Variants in ELL observed in about 807,000 individuals in gnomAD.
The protein encoded by ELL is RNA polymerase II elongation factor ELL.
A neutral mutation model predicts 64.0 loss-of-function variants in ELL; 18 were observed. The observed-to-expected ratio is 0.28, with a 90% confidence interval of 0.19 to 0.42. ELL has a LOEUF of 0.42. Among genes scored for constraint, ELL ranks in the 10% least tolerant of loss-of-function variants. The pLI, the probability that ELL is intolerant of heterozygous loss-of-function variation, is 1.00. For missense variants in ELL, 797 were observed against 870.4 expected, an observed-to-expected ratio of 0.92 and a Z score of 1.06; for synonymous variants, 399 against 376.2, an observed-to-expected ratio of 1.06 and a Z score of -0.70.
chr19:18,502,177 A>G (rs1975792552), intron 1 of ELL, among the ~76,000 whole-genome samples: 1 of 152,178 alleles, frequency 6.6e-6, no homozygotes, highest in Admixed American at 6.5e-5. Flanking sequence ...TCCTACCACC[A>G]CAGCCAGATA....
At chr19:18,506,650 G>A (rs756423739) in intron 1 of ELL, among the ~76,000 whole-genome samples, 10 of 152,164 alleles carry the variant, frequency 6.6e-5, no homozygotes, top group African/African-American at 1.9e-4. Context: ...ACTTGAGCCC[G>A]GGAGCCAAGG....
At chr19:18,513,051 T>C (rs1451944757) in intron 1 of ELL, among the ~76,000 whole-genome samples, 1 of 152,166 alleles carries the variant, frequency 6.6e-6, no homozygotes, top group Admixed American at 6.5e-5. Context: ...GGTCTCCCCA[T>C]CTGAAGAACG....
At chr19:18,445,017 C>T (rs1383416125) in intron 11 of ELL, 149 bp from the exon 12 acceptor site, 2 of 1,072,326 alleles carry the variant, frequency 1.9e-6, no homozygotes, top group Non-Finnish European at 2.7e-6. Flanking sequence ...GGAGTTGGTC[C>T]CCCGCACCTC....
At position 18,501,915 on chromosome 19, in the gene ELL, C is replaced by CAAGAGG. The variant is rs1038202893; in HGVS notation, c.135+20000_135+20005dup. 6.6e-6 allele frequency among the ~76,000 whole-genome samples: 1 copy of CAAGAGG among 151,992 alleles called. No homozygotes were observed. The highest frequency in any genetic ancestry group is 1.5e-5 in the Non-Finnish European group (1 of 67,978). On this transcript the variant is annotated intron_variant, in intron 1 of 11. Transcript: ENST00000262809. The surrounding 1 kb of genome is among the most constrained non-coding windows in gnomAD (Gnocchi z 4.5). ...TCCAAAAGAAGGCCCTGAACACAGTCAAGAGGAAGAGGAAGAAACACTGGG... is the reference window on the plus strand; with the variant it reads ...TCCAAAAGAAGGCCCTGAACACAGTCAAGAGGAAGAGGAAGAGGAAGAAACACTGGG...
intron 1 of ELL, among the ~76,000 whole-genome samples, chr19:18,508,043 C>T (rs1430082252): frequency 1.3e-5 from 2 of 152,164 alleles, no homozygotes; most frequent in East Asian, 1.9e-4. Flanking sequence ...ATAAAGAGGC[C>T]GGTTCCCACT....
In ELL at chr19:18,476,131, G is replaced by C. The variant is rs377764723; in HGVS notation, c.136-3249C>G. On this transcript the variant is annotated intron_variant, in intron 1 of 11. Coordinates refer to ENST00000262809, the MANE Select transcript of ELL (RefSeq NM_006532.4). The stretch of plus-strand genomic sequence containing the variant: ...CCCAGGAGCACACGACCAAGGCCAG[G>C]TGGGAAGGGTATTCTGGAGGAGGGA... Among the ~76,000 whole-genome samples the C allele has an allele frequency of 5.9e-4, 90 of 152,334 alleles. 2 individuals are homozygous for C. The East Asian group carries it at 0.012, about 20-fold the overall frequency.
At position 18,471,356 on chromosome 19, in the gene ELL, CAG is replaced by C. The variant is rs764284521; in HGVS notation, c.183+1477_183+1478del. On this transcript the variant is annotated intron_variant, in intron 2 of 11. Coordinates refer to ENST00000262809, the MANE Select transcript of ELL (RefSeq NM_006532.4). ...TGCCACTGCACTCCAGCCTCGGCAA[CAG>C]AGAGACTCATCTCTTAAAAAACAAA... is the stretch of plus-strand genomic sequence containing the variant. 427 of 448,660 alleles carry C rather than the reference CAG, an allele frequency of 9.5e-4. 2 individuals are homozygous for C. The highest frequency in any genetic ancestry group is 1.2e-3 in the Non-Finnish European group (276 of 223,848). The allele number at this position is 448,660 out of a possible 1,614,324, so 27.8% of individuals were successfully genotyped here.
In ELL at chr19:18,507,249, G is replaced by C. The variant is rs116885915; in HGVS notation, c.135+14672C>G. 4.5e-3 allele frequency among the ~76,000 whole-genome samples: 684 copies of C among 152,364 alleles called. 6 individuals carry two copies. The highest frequency in any genetic ancestry group is 6.8e-3 in the Non-Finnish European group (464 of 68,034). The stretch of plus-strand genomic sequence containing the variant: ...CCTCAGATACCTCCCTGCACAGTCT[G>C]TGCCTGGCCTGTGGCAGTTCAAGGG... On this transcript the variant is annotated intron_variant, in intron 1 of 11. Coordinates refer to ENST00000262809, the MANE Select transcript of ELL (RefSeq NM_006532.4).
At chr19:18,521,821 G>C (rs927205032) in intron 1 of ELL, 100 bp downstream of exon 1, 24 of 1,463,710 alleles carry the variant, frequency 1.6e-5, no homozygotes, top group Non-Finnish European at 2.2e-5. Flanking sequence ...CAGCACCACA[G>C]ACCTAGCGTC....
chr19:18,510,339 C>T (rs981753587), intron 1 of ELL, among the ~76,000 whole-genome samples: 2 of 152,250 alleles, frequency 1.3e-5, no homozygotes, highest in Non-Finnish European at 2.9e-5. Context: ...CCACTGCACA[C>T]TCCAGCCTGG....
Position 18,472,886 on chromosome 19 carries a change from T to C in ELL, c.136-4A>G. 1.6e-6 allele frequency: 2 copies of C among 1,213,072 alleles called. No individual in the cohort carries two copies. The highest frequency in any genetic ancestry group is 1.0e-6 in the Non-Finnish European group (1 of 961,858). The allele number at this position is 1,213,072 out of a possible 1,614,324, so 75.1% of individuals were successfully genotyped here. A position where few individuals can be genotyped will look rare whatever the true frequency, so the allele number is the denominator to read the frequency against. On this transcript the variant is annotated splice_polypyrimidine_tract_variant and splice_region_variant and intron_variant, in intron 1 of 11. Coordinates refer to ENST00000262809, the MANE Select transcript of ELL (RefSeq NM_006532.4). ...ATGGCCTCAGTGAAACAGAATCCTA[T>C]AAAAAAAAAAAAAAAAAAAAAAAGG...
intron 1 of ELL, among the ~76,000 whole-genome samples, chr19:18,504,297 G>T (rs1975840377): frequency 6.6e-6 from 1 of 152,194 alleles, no homozygotes; most frequent in African/African-American, 2.4e-5. Context: ...GGCCACTCCT[G>T]CTCTGTTTTT....
At chr19:18,460,163 G>A (rs1974773676) in intron 5 of ELL, among the ~76,000 whole-genome samples, 1 of 152,078 alleles carries the variant, frequency 6.6e-6, no homozygotes, top group South Asian at 2.1e-4. Flanking sequence ...GAGGCATGCA[G>A]TTTTGTCACT....
chr19:18,461,627 T>A lies in ELL; in HGVS notation c.695A>T (p.Asp232Val). 6.2e-7 allele frequency: 1 copy of A among 1,610,438 alleles called. No homozygotes were observed. Among genetic ancestry groups the A allele is most frequent in the Non-Finnish European group, 8.5e-7 (1 of 1,179,868 alleles). Reference sequence around the variant, plus strand: ...GTCCTTGTCCGCCTGCGTCAGGCCGTCCTTCTGCAGTCGCAGCAGCAGCTC... The same window carrying A: ...GTCCTTGTCCGCCTGCGTCAGGCCGACCTTCTGCAGTCGCAGCAGCAGCTC... Reference protein sequence around the residue: ...KAELLLRLQKDGLTQADKDAL... With the variant: ...KAELLLRLQKVGLTQADKDAL... Residue 232 changes from aspartate (D) to valine (V), a missense_variant, in exon 5 of 12, where the codon GAC becomes GTC. By Grantham distance (152) the Asp-to-Val change is radical. Transcript: ENST00000262809.
rs1023372918 is a variant in ELL at position 18,449,891 on chromosome 19, C to T, written c.1465+586G>A. ...AGTTTAGGTGCCTGGGCTGTGGTCTCGGAGCCGCCCAGGTCTCCTGGCTCC... is the reference window on the plus strand; with the variant it reads ...AGTTTAGGTGCCTGGGCTGTGGTCTTGGAGCCGCCCAGGTCTCCTGGCTCC... On this transcript the variant is annotated intron_variant, in intron 8 of 11. Transcript: ENST00000262809. This position sits in a 1 kb window ranked among gnomAD's most constrained non-coding sequence, Gnocchi z 4.4. 6.6e-6 allele frequency among the ~76,000 whole-genome samples: 1 copy of T among 152,182 alleles called. No individual in the cohort carries two copies. Among genetic ancestry groups the T allele is most frequent in the African/African-American group, 2.4e-5 (1 of 41,448 alleles).
chr19:18,461,612 G>A lies in ELL; in HGVS notation c.710C>T (p.Ala237Val), dbSNP rs562927955. Residue 237 changes from alanine to valine, a missense_variant, in exon 5 of 12, where the codon GCG (alanine) becomes GTG (valine). Physicochemically the swap from Ala to Val is moderately conservative, Grantham distance 64. Coordinates refer to ENST00000262809, the MANE Select transcript of ELL (RefSeq NM_006532.4). ...GAGGCCATCCAGCGCGTCCTTGTCC[G>A]CCTGCGTCAGGCCGTCCTTCTGCAG... ...LRLQKDGLTQ[A>V]DKDALDGLLQ... 14 of 1,607,248 alleles carry A rather than the reference G, an allele frequency of 8.7e-6. No homozygotes were observed. Among genetic ancestry groups the A allele is most frequent in the Admixed American group, 3.3e-5 (2 of 60,010 alleles).
Position 18,450,519 on chromosome 19 carries a change from G to A in ELL, c.1423C>T (p.Pro475Ser), listed in dbSNP as rs771715562. 8.7e-6 allele frequency: 14 copies of A among 1,613,278 alleles called. No individual in the cohort carries two copies. The highest frequency in any genetic ancestry group is 1.2e-5 in the Non-Finnish European group (14 of 1,179,954). ...KPRAQLPDCAPATHATPGAPA... is the reference protein window; with the variant it reads ...KPRAQLPDCASATHATPGAPA... ...GCTCCGGGGGTGGCATGGGTGGCAGGTGCACAGTCTGGAAGCTGGGCCCGG... is the reference window on the plus strand; with the variant it reads ...GCTCCGGGGGTGGCATGGGTGGCAGATGCACAGTCTGGAAGCTGGGCCCGG... Residue 475 changes from proline to serine, a missense_variant, in exon 8 of 12, where the codon CCT becomes TCT. Physicochemically the swap from Pro to Ser is moderately conservative, Grantham distance 74. Coordinates refer to ENST00000262809, the MANE Select transcript of ELL (RefSeq NM_006532.4).
intron 1 of ELL, among the ~76,000 whole-genome samples, chr19:18,495,494 A>C (rs560406352): frequency 4.1e-4 from 62 of 152,276 alleles, no homozygotes; most frequent in African/African-American, 1.4e-3. Flanking sequence ...CACAGCTTGC[A>C]ACTTCCTTGC....
At chr19:18,467,532 A>G (rs1190085859) in intron 2 of ELL, among the ~76,000 whole-genome samples, 1 of 151,954 alleles carries the variant, frequency 6.6e-6, no homozygotes, top group Non-Finnish European at 1.5e-5. Flanking sequence ...GAGAAGGCAG[A>G]AACGGCCTGC....
Sources: allele counts gnomAD v4.1 joint callset (sites outside exome capture counted in the v4.1 genomes callset), GRCh38; gene constraint gnomAD v4.1.1; non-coding constraint Gnocchi (gnomAD v3.1); transcripts MANE v1.5; gene names NCBI Gene and HGNC (gene_info 2026-07-23, HGNC 2026-07-21).